The following TRPC4 variants were observed in gnomAD, a reference collection of about 807,000 sequenced individuals.
TRPC4 encodes transient receptor potential cation channel subfamily C member 4, also known as short transient receptor potential channel 4.
TRPC4 carries 49 observed loss-of-function variants against 99.4 expected under a neutral mutation model. The observed-to-expected ratio is 0.49, with a 90% CI of 0.39 to 0.63. The LOEUF is 0.63. TRPC4 is among the 20% of genes least tolerant of loss of function. The pLI, the probability that TRPC4 is intolerant of heterozygous loss-of-function variation, is 0.00. For missense variants in TRPC4, 898 were observed against 1,152.9 expected, an observed-to-expected ratio of 0.78 and a Z score of 3.20; for synonymous variants, 454 against 425.9, an observed-to-expected ratio of 1.07 and a Z score of -0.81.
At chr13:37,659,208 A>G (rs547549414) in intron 6 of TRPC4, among the ~76,000 whole-genome samples, 11 of 152,118 alleles carry the variant, frequency 7.2e-5, no homozygotes, top group African/African-American at 2.7e-4. Flanking sequence ...GGTTGCTCAC[A>G]AAAGGCTTAG....
intron 1 of TRPC4, among the ~76,000 whole-genome samples, chr13:37,855,337 G>T (rs866141641): frequency 4.6e-4 from 63 of 136,580 alleles, no homozygotes; most frequent in South Asian, 3.0e-3. Flanking sequence ...ATACAATGTA[G>T]ATATATATAT....
chr13:37,764,521 C>A (rs923386672), intron 2 of TRPC4, among the ~76,000 whole-genome samples: 3 of 151,212 alleles, frequency 2.0e-5, no homozygotes, highest in Admixed American at 1.3e-4. Flanking sequence ...TCTGAACATA[C>A]TTTTAAGCTT....
At chr13:37,736,864 G>A (rs1955412669) in intron 3 of TRPC4, among the ~76,000 whole-genome samples, 2 of 150,864 alleles carry the variant, frequency 1.3e-5, no homozygotes, top group South Asian at 2.1e-4. Flanking sequence ...AAGTAGCTGC[G>A]AGTACAGACA....
intron 4 of TRPC4, among the ~76,000 whole-genome samples, chr13:37,681,061 G>C (rs1263287784): frequency 6.6e-6 from 1 of 152,166 alleles, no homozygotes; most frequent in Non-Finnish European, 1.5e-5. Flanking sequence ...AAGGAAGAAA[G>C]GCTTTGGGAA....
chr13:37,639,523 G>C (rs1157616655), intron 8 of TRPC4, among the ~76,000 whole-genome samples: 2 of 151,910 alleles, frequency 1.3e-5, no homozygotes, highest in African/African-American at 4.8e-5. Flanking sequence ...AGTTAACAAT[G>C]ACAGAACTGT....
At chr13:37,678,721 A>G (rs1953139855) in intron 4 of TRPC4, among the ~76,000 whole-genome samples, 1 of 152,142 alleles carries the variant, frequency 6.6e-6, no homozygotes, top group South Asian at 2.1e-4. Context: ...TTGCAAAGAT[A>G]ACAACAGTAA....
chr13:37,697,001 C>T (rs890421198), intron 3 of TRPC4, among the ~76,000 whole-genome samples: 17 of 150,412 alleles, frequency 1.1e-4, no homozygotes, highest in African/African-American at 3.7e-4. Flanking sequence ...CTGTCTCTCT[C>T]TGCTTCCTGG....
chr13:37,699,391 T>C (rs1954027662), intron 3 of TRPC4, among the ~76,000 whole-genome samples: 1 of 152,100 alleles, frequency 6.6e-6, no homozygotes, highest in African/African-American at 2.4e-5. Context: ...AGCATAATAA[T>C]AATAATTAAA....
At chr13:37,654,332 C>T (rs973875079) in intron 7 of TRPC4, among the ~76,000 whole-genome samples, 2 of 152,086 alleles carry the variant, frequency 1.3e-5, no homozygotes, top group Non-Finnish European at 2.9e-5. Flanking sequence ...AAAGACTTAA[C>T]TATATTTCAT....
chr13:37,769,919 C>T (rs1956500881), intron 2 of TRPC4, among the ~76,000 whole-genome samples: 1 of 151,306 alleles, frequency 6.6e-6, no homozygotes, highest in African/African-American at 2.4e-5. Context: ...TGAATTTTTT[C>T]TAATTTCTAA....
chr13:37,661,507 G>A (rs1421326782), intron 6 of TRPC4, among the ~76,000 whole-genome samples: 1 of 152,174 alleles, frequency 6.6e-6, no homozygotes. Context: ...ATGCTACGTG[G>A]AAGTTCTTTC....
At chr13:37,677,985 C>G (rs1274233428) in intron 4 of TRPC4, among the ~76,000 whole-genome samples, 1 of 152,100 alleles carries the variant, frequency 6.6e-6, no homozygotes, top group Non-Finnish European at 1.5e-5. Context: ...CCTAGAAAAT[C>G]CCCAAATATT....
intron 1 of TRPC4, among the ~76,000 whole-genome samples, chr13:37,832,154 T>C (rs191627460): frequency 2.7e-4 from 41 of 152,308 alleles, no homozygotes; most frequent in Admixed American, 1.8e-3. Context: ...CCCACAAATA[T>C]ATGCAATCAT....
intron 1 of TRPC4, among the ~76,000 whole-genome samples, chr13:37,835,586 A>G (rs938855014): frequency 6.6e-6 from 1 of 152,232 alleles, no homozygotes; most frequent in African/African-American, 2.4e-5. Flanking sequence ...AGAGAAAGGA[A>G]GACGTGTGCA....
At chr13:37,792,498 ACTTGT>A (rs1957146440) in intron 1 of TRPC4, among the ~76,000 whole-genome samples, 2 of 152,180 alleles carry the variant, frequency 1.3e-5, no homozygotes, top group Non-Finnish European at 2.9e-5. Context: ...AAGACTCACT[ACTTGT>A]CTTGTTTACA....
chr13:37,775,150 A>C (rs1593713264), intron 2 of TRPC4, among the ~76,000 whole-genome samples: 1 of 151,754 alleles, frequency 6.6e-6, no homozygotes, highest in East Asian at 1.9e-4. Flanking sequence ...CTCATTCTTT[A>C]TACTAGCACT....
chr13:37,830,878 T>C (rs572901297), intron 1 of TRPC4, among the ~76,000 whole-genome samples: 1 of 150,164 alleles, frequency 6.7e-6, no homozygotes, highest in Admixed American at 6.6e-5. Flanking sequence ...TTTAACTTTC[T>C]TTTACTATAT....
At chr13:37,748,144 T>C (rs1247728690) in intron 2 of TRPC4, among the ~76,000 whole-genome samples, 1 of 152,170 alleles carries the variant, frequency 6.6e-6, no homozygotes, top group Non-Finnish European at 1.5e-5. Flanking sequence ...CAATTTAATG[T>C]TTTTGGACCA....
chr13:37,709,111 T>G (rs1954385360), intron 3 of TRPC4, among the ~76,000 whole-genome samples: 1 of 151,866 alleles, frequency 6.6e-6, no homozygotes, highest in South Asian at 2.1e-4. Context: ...AGAAAAACAC[T>G]GGGGATGAAC....
Sources: gnomAD v4.1 joint callset for allele counts (sites outside exome capture counted in the v4.1 genomes callset) on GRCh38, gnomAD v4.1.1 for gene constraint, MANE v1.5 for transcripts, NCBI Gene and HGNC (gene_info 2026-07-23, HGNC 2026-07-21) for gene names.